Variants in SPAG17 observed in about 807,000 individuals in gnomAD.
SPAG17 encodes sperm-associated antigen 17.
A neutral mutation model predicts 273.6 loss-of-function variants in SPAG17; 169 were observed. That is an observed-to-expected ratio of 0.62 (90% confidence interval 0.55 to 0.70). The LOEUF is 0.70. Among genes scored for constraint, SPAG17 ranks in the 30% least tolerant of loss-of-function variants. The pLI is 0.00. For synonymous variants in SPAG17, 825 were observed against 873.2 expected, an observed-to-expected ratio of 0.94 and a Z score of 0.97; for missense variants, 2,557 against 2,627.8, an observed-to-expected ratio of 0.97 and a Z score of 0.59.
At chr1:118,048,435 G>T (rs1210251498) in intron 20 of SPAG17, among the ~76,000 whole-genome samples, 1 of 152,066 alleles carries the variant, frequency 6.6e-6, no homozygotes, top group Non-Finnish European at 1.5e-5. Context: ...ATCCAGAAAA[G>T]ATAAATAAAA....
chr1:118,170,498 C>A (rs1413000025), intron 1 of SPAG17, among the ~76,000 whole-genome samples: 1 of 152,002 alleles, frequency 6.6e-6, no homozygotes, highest in Non-Finnish European at 1.5e-5. Context: ...AAGTTCATGT[C>A]AAGCAAGGAG....
chr1:118,178,486 A>C (rs1023559500), intron 1 of SPAG17, among the ~76,000 whole-genome samples: 2 of 152,048 alleles, frequency 1.3e-5, no homozygotes, highest in Non-Finnish European at 2.9e-5. Context: ...CATACTGACC[A>C]GGAAGAAATG....
chr1:117,967,078 A>T (rs1394685972), intron 46 of SPAG17, among the ~76,000 whole-genome samples: 1 of 152,132 alleles, frequency 6.6e-6, no homozygotes, highest in Non-Finnish European at 1.5e-5. Context: ...TAATTGTGCT[A>T]GTTTTTGAAT....
At chr1:118,032,663 C>T (rs1289239098) in intron 24 of SPAG17, among the ~76,000 whole-genome samples, 1 of 151,958 alleles carries the variant, frequency 6.6e-6, no homozygotes, top group African/African-American at 2.4e-5. Context: ...GGTGCAACCT[C>T]GGCTCACTGC....
intron 47 of SPAG17, chr1:117,964,836 A>T (rs535719322): frequency 6.6e-6 from 1 of 152,338 alleles, no homozygotes; most frequent in African/African-American, 2.4e-5. Flanking sequence ...TTCACCTCGG[A>T]ATATCTGAAT....
At position 118,005,510 on chromosome 1, in the gene SPAG17, A is replaced by T; in HGVS notation, c.4680T>A (p.Phe1560Leu). The stretch of plus-strand genomic sequence containing the variant: ...CAGCTCGCAGCTGCTCACGCTTTTG[A>T]AAAGGATAGTATATATTACTGCTTG... ...HESSSNIYYP[F>L]QKREQLRAGR... Residue 1560 changes from phenylalanine (F) to leucine (L), a missense_variant, in exon 32 of 49, where the codon TTT (phenylalanine) becomes TTA (leucine). Coordinates refer to ENST00000336338, the MANE Select transcript of SPAG17 (RefSeq NM_206996.4). 1 of 1,613,650 alleles carries T rather than the reference A, an allele frequency of 6.2e-7. No homozygotes were observed. The highest frequency in any genetic ancestry group is 1.3e-5 in the African/African-American group (1 of 75,058).
In SPAG17 at chr1:117,959,114, AT is replaced by A. The variant is rs1271666696; in HGVS notation, c.*4684del. The A allele has an allele frequency of 5.4e-6, 7 of 1,287,142 alleles. No individual in the cohort carries two copies. The African/African-American group carries it at 1.1e-4, about 19-fold the overall frequency. The allele number at this position is 1,287,142 out of a possible 1,614,324, so 79.7% of individuals were successfully genotyped here. On this transcript the variant is annotated intron_variant, in intron 48 of 48. Coordinates refer to ENST00000336338, the MANE Select transcript of SPAG17 (RefSeq NM_206996.4). ...AGCAATACCCACCACCGATAAATCC[AT>A]ATTTGAGATAGTTTTTGTTAGAATT...
intron 27 of SPAG17, 63 bp from the exon 28 acceptor site, chr1:118,023,526 A>C: frequency 6.7e-7 from 1 of 1,503,206 alleles, no homozygotes; most frequent in Non-Finnish European, 9.0e-7. Flanking sequence ...TTAACAATAA[A>C]CGCTGTGTGT....
chr1:118,174,547 A>G (rs562603152), intron 1 of SPAG17, among the ~76,000 whole-genome samples: 23 of 152,352 alleles, frequency 1.5e-4, no homozygotes, highest in Non-Finnish European at 2.6e-4. Flanking sequence ...AGAGTGAAAG[A>G]GGTAGAGAGA....
chr1:118,036,441 G>T (rs1649082462), intron 24 of SPAG17, among the ~76,000 whole-genome samples: 1 of 151,828 alleles, frequency 6.6e-6, no homozygotes, highest in Non-Finnish European at 1.5e-5. Context: ...GTATATATGT[G>T]TGTATATACA....
chr1:118,021,893 A>G (rs950231138), intron 28 of SPAG17, among the ~76,000 whole-genome samples: 1 of 152,144 alleles, frequency 6.6e-6, no homozygotes, highest in Non-Finnish European at 1.5e-5. Context: ...AGAAATTTGG[A>G]AAGCTATCTG....
Position 118,074,529 on chromosome 1 carries a change from A to C in SPAG17, c.2271+10T>G. The C allele has an allele frequency of 6.2e-7, 1 of 1,610,290 alleles. No homozygotes were observed. The highest frequency in any genetic ancestry group is 8.5e-7 in the Non-Finnish European group (1 of 1,176,790). On this transcript the variant is annotated intron_variant, in intron 16 of 48. Coordinates refer to ENST00000336338, the MANE Select transcript of SPAG17 (RefSeq NM_206996.4). ...TTGTCATCTACATTTTCAGAAAAATAATTCCTTACCTTTTCATGAGAATCA... is the reference window on the plus strand; with the variant it reads ...TTGTCATCTACATTTTCAGAAAAATCATTCCTTACCTTTTCATGAGAATCA...
chr1:118,166,436 T>A (rs1240047183), intron 1 of SPAG17, among the ~76,000 whole-genome samples: 1 of 152,180 alleles, frequency 6.6e-6, no homozygotes, highest in Non-Finnish European at 1.5e-5. Flanking sequence ...CAGAGAAATG[T>A]TAACAGTGGG....
chr1:117,954,152 G>A, intron 48 of SPAG17, 103 bp from the exon 49 acceptor site: 1 of 1,475,972 alleles, frequency 6.8e-7, no homozygotes, highest in Admixed American at 1.9e-5. Flanking sequence ...TTCCCAAGGA[G>A]AAAAACCATT....
At chr1:118,092,981 T>G (rs1655482047) in intron 8 of SPAG17, among the ~76,000 whole-genome samples, 175 bp downstream of exon 8, 1 of 152,228 alleles carries the variant, frequency 6.6e-6, no homozygotes, top group Non-Finnish European at 1.5e-5. Context: ...TGTAAATGTC[T>G]GGTAGTTGAG....
At chr1:117,981,854 T>A (rs1655857453) in intron 42 of SPAG17, among the ~76,000 whole-genome samples, 1 of 152,226 alleles carries the variant, frequency 6.6e-6, no homozygotes, top group Non-Finnish European at 1.5e-5. Context: ...ATAGGTACAA[T>A]AGGAAACAAA....
chr1:117,956,636 G>C (rs987758411), intron 48 of SPAG17, among the ~76,000 whole-genome samples: 2 of 152,068 alleles, frequency 1.3e-5, no homozygotes, highest in African/African-American at 4.8e-5. Flanking sequence ...TAGTTCTAGA[G>C]GGAACTATTT....
At chr1:118,092,727 C>A (rs571638295) in intron 8 of SPAG17, among the ~76,000 whole-genome samples, 1 of 152,312 alleles carries the variant, frequency 6.6e-6, no homozygotes, top group South Asian at 2.1e-4. Flanking sequence ...GCTGAGATGA[C>A]TGCTCTCAGC....
Position 117,973,542 on chromosome 1 carries a change from G to A in SPAG17, c.6024C>T (p.Pro2008=), listed in dbSNP as rs375020806. 53 of 1,613,412 alleles carry A rather than the reference G, an allele frequency of 3.3e-5. No homozygotes were observed. Among genetic ancestry groups the A allele is most frequent in the African/African-American group, 5.3e-5 (4 of 74,850 alleles). ...KSPEEAESYE[P]VKIPTQSLLQ... Reference sequence around the variant, plus strand: ...GCAAGGACTGGGTTGGAATTTTCACGGGCTCATAAGATTCTGCTTCTGTTA... The same window carrying A: ...GCAAGGACTGGGTTGGAATTTTCACAGGCTCATAAGATTCTGCTTCTGTTA... Residue 2008 remains proline (P), a synonymous_variant, in exon 44 of 49, where the codon CCC becomes CCT. Transcript: ENST00000336338.
Sources: allele counts gnomAD v4.1 joint callset (sites outside exome capture counted in the v4.1 genomes callset), GRCh38; gene constraint gnomAD v4.1.1; transcripts MANE v1.5; gene names NCBI Gene and HGNC (gene_info 2026-07-23, HGNC 2026-07-21).